Variants in ING2 observed in about 807,000 individuals in gnomAD.
ING2 encodes inhibitor of growth family member 2, also known as inhibitor of growth protein 2.
Under a neutral mutation model 30.6 loss-of-function variants are expected in ING2, and 7 were observed. The observed-to-expected ratio is 0.23, with a 90% CI of 0.13 to 0.43. The LOEUF (loss-of-function observed/expected upper bound fraction) is 0.43. Among genes scored for constraint, ING2 ranks in the 20% least tolerant of loss-of-function variants. ING2 has a pLI of 1.00. For missense variants in ING2, 239 were observed against 334.9 expected (o/e 0.71, Z 2.24); for synonymous variants, 136 against 121.7 (o/e 1.12, Z -0.78).
rs1734830449 is a variant in ING2, at chr4:183,511,990, ATTAAC to A, written c.*1042_*1046del. ...GTGCTGTTTGATGTTTTCACATTTAATTAACTTATTTCATCATCATAATGCAATTA... is the reference window on the plus strand; with the variant it reads ...GTGCTGTTTGATGTTTTCACATTTAATTATTTCATCATCATAATGCAATTA... On this transcript the variant is annotated 3_prime_UTR_variant, in exon 2 of 2. Coordinates refer to ENST00000302327, the MANE Select transcript of ING2 (RefSeq NM_001564.4). Among the ~76,000 whole-genome samples, 1 of 152,186 alleles carries A rather than the reference ATTAAC, an allele frequency of 6.6e-6. No individual in the cohort carries two copies. Among genetic ancestry groups the A allele is most frequent in the Non-Finnish European group, 1.5e-5 (1 of 68,028 alleles).
chr4:183,508,252 A>T (rs982746035), intron 1 of ING2, among the ~76,000 whole-genome samples: 12 of 152,000 alleles, frequency 7.9e-5, no homozygotes, highest in Non-Finnish European at 1.5e-4. Context: ...TATCTTACAA[A>T]TTTTTTATCT....
At chr4:183,505,976 A>C in intron 1 of ING2, 2 of 627,268 alleles carry the variant, frequency 3.2e-6, no homozygotes, top group Non-Finnish European at 4.3e-6. Context: ...TCTTTCGGCA[A>C]AATGGTTAAG....
intron 1 of ING2, among the ~76,000 whole-genome samples, chr4:183,509,590 C>T (rs1259877981): frequency 1.3e-5 from 2 of 150,974 alleles, no homozygotes; most frequent in Non-Finnish European, 3.0e-5. Flanking sequence ...GGACTACAGG[C>T]GCCCGCCACT....
rs137869475 is a variant in ING2, at chr4:183,508,031, T to C, written c.173-2251T>C. Reference sequence around the variant, plus strand: ...AATTTCAAGTGCCTTTCATATAGTTTATAGAAAGTGCTTACACTGCGAGGT... The same window carrying C: ...AATTTCAAGTGCCTTTCATATAGTTCATAGAAAGTGCTTACACTGCGAGGT... On this transcript the variant is annotated intron_variant, in intron 1 of 1. Transcript: ENST00000302327. 5.2e-3 allele frequency among the ~76,000 whole-genome samples: 784 copies of C among 152,170 alleles called. 11 individuals carry two copies. The highest frequency in any genetic ancestry group is 0.018 in the African/African-American group (750 of 41,514).
At position 183,505,271 on chromosome 4, in the gene ING2, T is replaced by A; in HGVS notation, c.76T>A (p.Cys26Ser). The change falls in exon 1 of 2, where the codon TGC (cysteine) becomes AGC (serine). Residue 26 changes from cysteine to serine, a missense_variant. Physicochemically the swap from Cys to Ser is moderately radical, Grantham distance 112. Transcript: ENST00000302327. ...CGGGGAGCGGAGCCGGCTGCTCACCTGCTACGTGCAGGACTACCTTGAGTG... is the reference window on the plus strand; with the variant it reads ...CGGGGAGCGGAGCCGGCTGCTCACCAGCTACGTGCAGGACTACCTTGAGTG... ...LTGERSRLLT[C>S]YVQDYLECVE... is the part of the protein sequence containing the mutation. 1 of 1,588,734 alleles carries A rather than the reference T, an allele frequency of 6.3e-7. No individual in the cohort carries two copies. Among genetic ancestry groups the A allele is most frequent in the Non-Finnish European group, 8.6e-7 (1 of 1,168,816 alleles).
Position 183,510,898 on chromosome 4 carries a change from G to A in ING2, c.789G>A (p.Glu263=). The A allele has an allele frequency of 6.2e-7, 1 of 1,610,044 alleles. No homozygotes were observed. Among genetic ancestry groups the A allele is most frequent in the East Asian group, 2.2e-5 (1 of 44,768 alleles). The change falls in exon 2 of 2, where the codon GAG becomes GAA. Residue 263 remains glutamate (E), a synonymous_variant. Coordinates refer to ENST00000302327, the MANE Select transcript of ING2 (RefSeq NM_001564.4). ...WYCPKCRGDN[E]KTMDKSTEKT... ...GCCCAAAGTGCAGGGGAGATAATGA[G>A]AAAACAATGGACAAAAGTACTGAAA...
chr4:183,509,826 C>T (rs941076781), intron 1 of ING2, among the ~76,000 whole-genome samples: 2 of 150,702 alleles, frequency 1.3e-5, no homozygotes, highest in African/African-American at 4.9e-5. Flanking sequence ...CTCCGCCTTC[C>T]GGGTTCAAGC....
At chr4:183,509,686 C>T (rs1734768015) in intron 1 of ING2, among the ~76,000 whole-genome samples, 1 of 150,536 alleles carries the variant, frequency 6.6e-6, no homozygotes, top group Non-Finnish European at 1.5e-5. Context: ...CCACCCGCCT[C>T]GGCCTCCCAA....
In ING2 at chr4:183,511,953, C is replaced by T. The variant is rs968450416; in HGVS notation, c.*1001C>T. ...AATAATAGTGTATTTACTGTCTTAACTTCTAGTATTGGTGCTGTTTGATGT... is the reference window on the plus strand; with the variant it reads ...AATAATAGTGTATTTACTGTCTTAATTTCTAGTATTGGTGCTGTTTGATGT... On this transcript the variant is annotated 3_prime_UTR_variant, in exon 2 of 2. Coordinates refer to ENST00000302327, the MANE Select transcript of ING2 (RefSeq NM_001564.4). Among the ~76,000 whole-genome samples the T allele has an allele frequency of 3.9e-5, 6 of 152,134 alleles. No homozygotes were observed. Among genetic ancestry groups the T allele is most frequent in the African/African-American group, 1.4e-4 (6 of 41,438 alleles).
At chr4:183,506,062 C>T (rs1414003016) in intron 1 of ING2, 2 of 1,131,208 alleles carry the variant, frequency 1.8e-6, no homozygotes, top group Non-Finnish European at 2.2e-6. Context: ...GGGGCGGGGC[C>T]TGCGGGCTTG....
At chr4:183,508,566 A>G (rs1734736909) in intron 1 of ING2, among the ~76,000 whole-genome samples, 1 of 152,240 alleles carries the variant, frequency 6.6e-6, no homozygotes, top group African/African-American at 2.4e-5. Flanking sequence ...ACAGTTGTAC[A>G]TCAAGTACGA....
Position 183,505,079 on chromosome 4 carries a change from A to G in ING2, c.-117A>G. On this transcript the variant is annotated 5_prime_UTR_variant, in exon 1 of 2. Transcript: ENST00000302327. Reference sequence around the variant, plus strand: ...CGGGGAGCGCGGCCGTGCCCTCTCGAGCGGCTGCGGGGTCCCCGCGGCGCC... The same window carrying G: ...CGGGGAGCGCGGCCGTGCCCTCTCGGGCGGCTGCGGGGTCCCCGCGGCGCC... 1.0e-6 allele frequency: 1 copy of G among 973,454 alleles called. No homozygotes were observed. The highest frequency in any genetic ancestry group is 1.3e-6 in the Non-Finnish European group (1 of 741,256). The allele number at this position is 973,454 out of a possible 1,614,324, so 60.3% of individuals were successfully genotyped here.
Position 183,511,797 on chromosome 4 carries a change from C to T in ING2, c.*845C>T, listed in dbSNP as rs1734827007. Among the ~76,000 whole-genome samples, 1 of 152,132 alleles carries T rather than the reference C, an allele frequency of 6.6e-6. No homozygotes were observed. The highest frequency in any genetic ancestry group is 1.5e-5 in the Non-Finnish European group (1 of 68,022). On this transcript the variant is annotated 3_prime_UTR_variant, in exon 2 of 2. Coordinates refer to ENST00000302327, the MANE Select transcript of ING2 (RefSeq NM_001564.4). ...TTCCATGTGACCTGCTGCCAGGATG[C>T]GTAGCCACAGGCCTATCAGTGGAAA...
intron 1 of ING2, among the ~76,000 whole-genome samples, chr4:183,505,869 C>T (rs1734625442): frequency 6.6e-6 from 1 of 152,024 alleles, no homozygotes; most frequent in South Asian, 2.1e-4. Context: ...GGGGGCCTTC[C>T]TCCGCGCTCC....
chr4:183,506,022 G>C (rs887208261), intron 1 of ING2: 6 of 956,550 alleles, frequency 6.3e-6, no homozygotes, highest in African/African-American at 3.7e-5. Flanking sequence ...GAAGAGAGGG[G>C]CGTGTGTGGC....
chr4:183,507,714 A>G (rs540200704), intron 1 of ING2, among the ~76,000 whole-genome samples: 1 of 152,168 alleles, frequency 6.6e-6, no homozygotes, highest in East Asian at 1.9e-4. Context: ...TTCAGATTTC[A>G]TGTTTTTTAT....
At chr4:183,506,374 CT>C in intron 1 of ING2, 1 of 1,183,374 alleles carries the variant, frequency 8.5e-7, no homozygotes, top group Non-Finnish European at 1.1e-6. Context: ...GGTTGGTTGA[CT>C]GGGCAACCGC....
intron 1 of ING2, among the ~76,000 whole-genome samples, chr4:183,506,685 A>G (rs1244436430): frequency 6.6e-6 from 1 of 151,832 alleles, no homozygotes; most frequent in Non-Finnish European, 1.5e-5. Context: ...AAAGTCTCTA[A>G]GGAATCCACT....
rs530277231 is a variant in ING2 at position 183,511,950 on chromosome 4, T to C, written c.*998T>C. On this transcript the variant is annotated 3_prime_UTR_variant, in exon 2 of 2. Transcript: ENST00000302327. ...TTAAATAATAGTGTATTTACTGTCT[T>C]AACTTCTAGTATTGGTGCTGTTTGA... Among the ~76,000 whole-genome samples the C allele has an allele frequency of 6.6e-6, 1 of 152,360 alleles. No individual in the cohort carries two copies. The highest frequency in any genetic ancestry group is 1.9e-4 in the East Asian group (1 of 5,196).
Sources: allele counts gnomAD v4.1 joint callset (sites outside exome capture counted in the v4.1 genomes callset), GRCh38; gene constraint gnomAD v4.1.1; transcripts MANE v1.5; gene names NCBI Gene and HGNC (gene_info 2026-07-23, HGNC 2026-07-21).